The following TXNRD1 variants were observed in gnomAD, a reference collection of about 807,000 sequenced individuals.
TXNRD1 encodes the protein thioredoxin reductase 1.
TXNRD1 carries 57 observed loss-of-function variants against 80.3 expected under a neutral mutation model. The ratio of observed to expected loss-of-function variants is 0.71; its 90% confidence interval spans 0.57 to 0.89. TXNRD1 has a LOEUF of 0.89. TXNRD1 is among the 40% of genes least tolerant of loss of function. The probability of loss-of-function intolerance (pLI) is 0.00; values close to 1 mark genes in which losing one functional copy is unlikely to be tolerated. For missense variants in TXNRD1, 730 were observed against 803.0 expected, an observed-to-expected ratio of 0.91 and a Z score of 1.10; for synonymous variants, 291 against 285.2, an observed-to-expected ratio of 1.02 and a Z score of -0.20.
intron 3 of TXNRD1, chr12:104,286,981 G>T: frequency 4.7e-6 from 6 of 1,266,760 alleles, no homozygotes; most frequent in Non-Finnish European, 6.0e-6. Flanking sequence ...CGCAGGGCGT[G>T]GCTTCTCGTA....
chr12:104,305,771 A>G (rs1030864197), intron 4 of TXNRD1, among the ~76,000 whole-genome samples: 4 of 152,212 alleles, frequency 2.6e-5, no homozygotes, highest in Non-Finnish European at 5.9e-5. Context: ...TGTAGTTTTT[A>G]TCTACTGAAT....
At chr12:104,295,756 A>G (rs73396445) in intron 4 of TXNRD1, among the ~76,000 whole-genome samples, 1,760 of 152,248 alleles carry the variant, frequency 0.012, 40 homozygotes, top group African/African-American at 0.04. Flanking sequence ...CGACAATCCC[A>G]TAAGTCTTTA....
intron 1 of TXNRD1, among the ~76,000 whole-genome samples, chr12:104,225,732 T>A (rs868098667): frequency 0.011 from 1,624 of 144,792 alleles, 20 homozygotes; most frequent in African/African-American, 0.039. Context: ...TTTTTTTTTT[T>A]ATAAATTACC....
At chr12:104,322,907 A>G (rs1483348962) in intron 10 of TXNRD1, among the ~76,000 whole-genome samples, 3 of 144,238 alleles carry the variant, frequency 2.1e-5, no homozygotes, top group South Asian at 4.7e-4. Context: ...CAGATAAACA[A>G]GTGAACAAAG....
At chr12:104,234,904 C>T (rs1027657791) in intron 1 of TXNRD1, among the ~76,000 whole-genome samples, 1 of 152,142 alleles carries the variant, frequency 6.6e-6, no homozygotes, top group Non-Finnish European at 1.5e-5. Flanking sequence ...TCAATTGGAA[C>T]TCCTTTCTAT....
chr12:104,306,981 T>G (rs1327581310), intron 4 of TXNRD1, among the ~76,000 whole-genome samples: 1 of 152,192 alleles, frequency 6.6e-6, no homozygotes, highest in Admixed American at 6.5e-5. Flanking sequence ...TTTAAAAGCA[T>G]TAATAGAGAA....
chr12:104,322,476 G>A (rs187456312), intron 10 of TXNRD1, among the ~76,000 whole-genome samples: 85 of 137,822 alleles, frequency 6.2e-4, no homozygotes, highest in Non-Finnish European at 9.8e-4. Context: ...TGCCTCCCAA[G>A]TTCAAGCGAT....
intron 13 of TXNRD1, 33 bp downstream of exon 13, chr12:104,327,704 G>A (rs1276386104): frequency 1.9e-6 from 3 of 1,607,118 alleles, no homozygotes; most frequent in Admixed American, 3.4e-5. Context: ...ATTAGATACT[G>A]TTGTCAGTAA....
chr12:104,229,598 A>ATTTTAT (rs1448067459), intron 1 of TXNRD1, among the ~76,000 whole-genome samples: 8 of 134,978 alleles, frequency 5.9e-5, no homozygotes, highest in South Asian at 2.6e-4. Flanking sequence ...ATTTTATTTT[A>ATTTTAT]TTTATTTTTT....
At chr12:104,221,252 G>A (rs1235185211) in intron 1 of TXNRD1, among the ~76,000 whole-genome samples, 1 of 152,190 alleles carries the variant, frequency 6.6e-6, no homozygotes, top group Non-Finnish European at 1.5e-5. Flanking sequence ...AACAGAGGGA[G>A]ACCCTGTCTC....
At chr12:104,256,971 C>CTTTTTTTTTTTTTTTTT (rs1437158062) in intron 2 of TXNRD1, among the ~76,000 whole-genome samples, 2 of 89,906 alleles carry the variant, frequency 2.2e-5, no homozygotes, top group African/African-American at 4.2e-5. Context: ...AATATATTTT[C>CTTTTTTTTTTTTTTTTT]TTTTCTTTTT....
intron 3 of TXNRD1, chr12:104,286,795 T>G: frequency 9.8e-7 from 1 of 1,019,884 alleles, no homozygotes; most frequent in South Asian, 3.7e-5. Flanking sequence ...AGAATTGCCT[T>G]AAATTGTTTT....
intron 1 of TXNRD1, among the ~76,000 whole-genome samples, chr12:104,235,223 T>A (rs2032712085): frequency 1.3e-5 from 2 of 152,102 alleles, no homozygotes; most frequent in African/African-American, 2.4e-5. Context: ...CCGATCCCCA[T>A]TGGTTGGGGT....
At chr12:104,313,394 GC>G in intron 6 of TXNRD1, 77 bp downstream of exon 6, 2 of 1,161,010 alleles carry the variant, frequency 1.7e-6, no homozygotes, top group Non-Finnish European at 2.4e-6. Context: ...GGTTCCTAAA[GC>G]CTAATTAAAA....
At chr12:104,295,154 T>G (rs1310750113) in intron 4 of TXNRD1, among the ~76,000 whole-genome samples, 2 of 152,224 alleles carry the variant, frequency 1.3e-5, no homozygotes, top group Non-Finnish European at 2.9e-5. Context: ...ACGTAGAAAT[T>G]TACTGGTTGT....
intron 2 of TXNRD1, among the ~76,000 whole-genome samples, chr12:104,256,282 G>A (rs1473580646): frequency 1.3e-5 from 2 of 152,176 alleles, no homozygotes; most frequent in Non-Finnish European, 2.9e-5. Context: ...TCTACGTAAA[G>A]GTAGCTTTCC....
chr12:104,265,772 C>T (rs912128413), intron 3 of TXNRD1: 30 of 1,578,440 alleles, frequency 1.9e-5, no homozygotes, highest in Non-Finnish European at 2.3e-5. Context: ...TTCCCGCTGC[C>T]CCACCGGGTC....
intron 7 of TXNRD1, 56 bp downstream of exon 7, chr12:104,315,952 T>C: frequency 6.4e-7 from 1 of 1,555,130 alleles, no homozygotes; most frequent in Non-Finnish European, 8.7e-7. Flanking sequence ...TGAGCTGCAA[T>C]TTTTGTGATG....
chr12:104,321,909 AGTGT>A (rs2035544286), intron 10 of TXNRD1, among the ~76,000 whole-genome samples: 1 of 152,162 alleles, frequency 6.6e-6, no homozygotes, highest in South Asian at 2.1e-4. Flanking sequence ...TTGAACACTT[AGTGT>A]GTGTCTCAGA....
Sources: gnomAD v4.1 joint callset for allele counts (sites outside exome capture counted in the v4.1 genomes callset) on GRCh38, gnomAD v4.1.1 for gene constraint, MANE v1.5 for transcripts, NCBI Gene and HGNC (gene_info 2026-07-23, HGNC 2026-07-21) for gene names.